PITPNM3: variants seen among roughly 807,000 people sequenced by gnomAD.
PITPNM3 encodes the protein membrane-associated phosphatidylinositol transfer protein 3.
Under a neutral mutation model 102.0 loss-of-function variants are expected in PITPNM3, and 26 were observed. The observed-to-expected ratio is 0.25, with a 90% CI of 0.19 to 0.35. PITPNM3 has a LOEUF of 0.35. Ranked by LOEUF, PITPNM3 falls within the 10% of genes least tolerant of loss-of-function variation. The pLI is 1.00. For missense variants in PITPNM3, 1,083 were observed against 1,346.1 expected, an observed-to-expected ratio of 0.80 and a Z score of 3.06; for synonymous variants, 578 against 558.6, an observed-to-expected ratio of 1.03 and a Z score of -0.49.
At position 6,464,635 on chromosome 17, in the gene PITPNM3, G is replaced by A. The variant is rs1260524556; in HGVS notation, c.2007+20C>T. ...GGTGCAGGTGGAGTGGCTGAGGAGG[G>A]GAGGCCCAGCCCCAGGTACCTTCTC... On this transcript the variant is annotated intron_variant, in intron 15 of 19. Transcript: ENST00000262483. 1.2e-6 allele frequency: 2 copies of A among 1,602,802 alleles called. No individual in the cohort carries two copies. Among genetic ancestry groups the A allele is most frequent in the Non-Finnish European group, 1.7e-6 (2 of 1,170,286 alleles).
In PITPNM3 at chr17:6,534,609, T is replaced by G. The variant is rs372327348; in HGVS notation, c.118+3378A>C. Among the ~76,000 whole-genome samples the G allele has an allele frequency of 7.2e-5, 11 of 152,106 alleles. 1 individual carries two copies. Among genetic ancestry groups the G allele is most frequent in the East Asian group, 3.9e-4 (2 of 5,160 alleles). Reference sequence around the variant, plus strand: ...ACCTTGATGTGTGATCTGGTGGTGGTGGGGGGCAGGGGGTCCCTTTGGTGC... The same window carrying G: ...ACCTTGATGTGTGATCTGGTGGTGGGGGGGGGCAGGGGGTCCCTTTGGTGC... On this transcript the variant is annotated intron_variant, in intron 2 of 19. Coordinates refer to ENST00000262483, the MANE Select transcript of PITPNM3 (RefSeq NM_031220.4).
At chr17:6,519,702 C>A (rs1202652544) in intron 3 of PITPNM3, among the ~76,000 whole-genome samples, 1 of 151,626 alleles carries the variant, frequency 6.6e-6, no homozygotes, top group Non-Finnish European at 1.5e-5. Context: ...TGGTGGCGGG[C>A]GCCTGTAATC....
At chr17:6,462,883 G>A (rs1020843310) in intron 17 of PITPNM3, among the ~76,000 whole-genome samples, 12 of 150,294 alleles carry the variant, frequency 8.0e-5, no homozygotes, top group Admixed American at 4.6e-4. Context: ...GGAGCACCAT[G>A]TGGAGCACCA....
Position 6,461,491 on chromosome 17 carries a change from C to G in PITPNM3, c.2372G>C (p.Arg791Pro). 3 of 1,614,224 alleles carry G rather than the reference C, an allele frequency of 1.9e-6. No homozygotes were observed. The highest frequency in any genetic ancestry group is 2.5e-6 in the Non-Finnish European group (3 of 1,180,044). ...ITGRPDMQKQ[R>P]VVSWLSQHNF... ...GTGCTGGGACAGCCACGACACCACC[C>G]GCTGCTTCTGCATGTCCGGCCGTCC... Residue 791 changes from arginine to proline, a missense_variant, in exon 18 of 20, where the codon CGG (arginine) becomes CCG (proline). Coordinates refer to ENST00000262483, the MANE Select transcript of PITPNM3 (RefSeq NM_031220.4).
intron 16 of PITPNM3, 76 bp downstream of exon 16, chr17:6,464,094 C>A (rs1464989261): frequency 1.2e-6 from 2 of 1,606,662 alleles, no homozygotes; most frequent in Non-Finnish European, 1.7e-6. Context: ...CCAAGGACCC[C>A]ATCCTCTAGA....
intron 3 of PITPNM3, among the ~76,000 whole-genome samples, chr17:6,509,200 T>C (rs1907721808): frequency 6.6e-6 from 1 of 152,232 alleles, no homozygotes; most frequent in South Asian, 2.1e-4. Flanking sequence ...TCTGAGAAGA[T>C]GCTTCTGAGT....
chr17:6,496,885 T>G (rs1340424917), intron 4 of PITPNM3, among the ~76,000 whole-genome samples: 5 of 152,112 alleles, frequency 3.3e-5, no homozygotes, highest in Admixed American at 6.5e-5. Context: ...TGAAAGTGAA[T>G]GCACCAATGC....
At chr17:6,538,763 T>C (rs1909580264) in intron 1 of PITPNM3, among the ~76,000 whole-genome samples, 1 of 152,180 alleles carries the variant, frequency 6.6e-6, no homozygotes, top group Admixed American at 6.5e-5. Context: ...TTTGAAACTC[T>C]TCTACTCTGA....
At chr17:6,485,736 C>T (rs771895579) in intron 4 of PITPNM3, among the ~76,000 whole-genome samples, 2 of 152,312 alleles carry the variant, frequency 1.3e-5, no homozygotes, top group South Asian at 2.1e-4. Context: ...CTGGGCTCAA[C>T]GCCTCCTCCT....
At chr17:6,486,128 T>C (rs1351476675) in intron 4 of PITPNM3, among the ~76,000 whole-genome samples, 1 of 152,126 alleles carries the variant, frequency 6.6e-6, no homozygotes, top group African/African-American at 2.4e-5. Context: ...ATACCTGCAC[T>C]CTGAGGCCTC....
chr17:6,526,453 A>G (rs1908840742), intron 2 of PITPNM3, among the ~76,000 whole-genome samples: 3 of 152,176 alleles, frequency 2.0e-5, no homozygotes, highest in African/African-American at 4.8e-5. Context: ...GACAATCTCC[A>G]AGCTTATGAT....
chr17:6,484,397 C>T (rs773493361), intron 4 of PITPNM3, 105 bp from the exon 5 acceptor site: 79 of 1,142,050 alleles, frequency 6.9e-5, no homozygotes, highest in Non-Finnish European at 7.8e-5. Context: ...GCTTACATCA[C>T]AGGTGAGCTC....
intron 19 of PITPNM3, 57 bp from the exon 20 acceptor site, chr17:6,455,700 A>AGAACGGAGGGGAGGGGGAAGAGGG (rs1914073522): frequency 2.6e-6 from 1 of 380,508 alleles, no homozygotes; most frequent in Non-Finnish European, 3.7e-6. Context: ...CGCAGGGGGA[A>AGAACGGAGGGGAGGGGGAAGAGGG]GAAGGGAGGG....
At position 6,470,165 on chromosome 17, in the gene PITPNM3, A is replaced by C. The variant is rs1597366858; in HGVS notation, c.1773+95T>G. On this transcript the variant is annotated intron_variant, in intron 13 of 19. Transcript: ENST00000262483. The surrounding 1 kb of genome is among the most constrained non-coding windows in gnomAD (Gnocchi z 4.8). ...TCTTAGGATCAAGGCCAAAAGCTGA[A>C]CAGTGTCTGCAAGAATAGCCTCCTC... 2 of 1,394,750 alleles carry C rather than the reference A, an allele frequency of 1.4e-6. No individual in the cohort carries two copies. Among genetic ancestry groups the C allele is most frequent in the East Asian group, 5.0e-5 (2 of 40,160 alleles). 86.4% of individuals were successfully genotyped at this position (1,394,750 alleles called of 1,614,324 possible).
rs555691504 is a variant in PITPNM3, at chr17:6,555,643, G to T, written c.22+742C>A. Among the ~76,000 whole-genome samples the T allele has an allele frequency of 3.3e-5, 5 of 152,336 alleles. No individual in the cohort carries two copies. The South Asian group carries it at 1.0e-3, about 32-fold the overall frequency. ...TGGGCGCAGCAGGGGGGCTGAGTCCGCCTGAGCCCCGGTGCCCAGCTCAGG... is the reference window on the plus strand; with the variant it reads ...TGGGCGCAGCAGGGGGGCTGAGTCCTCCTGAGCCCCGGTGCCCAGCTCAGG... On this transcript the variant is annotated intron_variant, in intron 1 of 19. Transcript: ENST00000262483.
chr17:6,554,655 A>T (rs1910505981), intron 1 of PITPNM3, among the ~76,000 whole-genome samples: 1 of 152,142 alleles, frequency 6.6e-6, no homozygotes, highest in South Asian at 2.1e-4. Flanking sequence ...AGGCAGAGGG[A>T]CTGAGACTGG....
At chr17:6,462,313 C>T (rs1366763295) in intron 17 of PITPNM3, among the ~76,000 whole-genome samples, 1 of 152,182 alleles carries the variant, frequency 6.6e-6, no homozygotes, top group South Asian at 2.1e-4. Flanking sequence ...GCATCTCCAG[C>T]TCCCCAGCGC....
intron 3 of PITPNM3, among the ~76,000 whole-genome samples, chr17:6,513,703 A>G (rs1370003449): frequency 1.3e-5 from 2 of 152,272 alleles, no homozygotes; most frequent in African/African-American, 2.4e-5. Flanking sequence ...TATTGTTAAG[A>G]TGACAATACT....
intron 1 of PITPNM3, among the ~76,000 whole-genome samples, chr17:6,547,189 C>T (rs958846463): frequency 2.0e-5 from 3 of 150,794 alleles, no homozygotes; most frequent in African/African-American, 5.0e-5. Context: ...CCTGTCATGC[C>T]GCCTGTTTCT....
Sources: allele counts gnomAD v4.1 joint callset (sites outside exome capture counted in the v4.1 genomes callset), GRCh38; gene constraint gnomAD v4.1.1; non-coding constraint Gnocchi (gnomAD v3.1); transcripts MANE v1.5; gene names NCBI Gene and HGNC (gene_info 2026-07-23, HGNC 2026-07-21).